ZNF248: variants seen among roughly 807,000 people sequenced by gnomAD.
ZNF248 encodes the protein zinc finger protein 248, also known as KRAB protein domain.
A neutral mutation model predicts 44.3 loss-of-function variants in ZNF248; 20 were observed. That is an observed-to-expected ratio of 0.45 (90% CI 0.32 to 0.66). The LOEUF (loss-of-function observed/expected upper bound fraction) is 0.66. Ranked by LOEUF, ZNF248 falls within the 30% of genes least tolerant of loss-of-function variation. The pLI is 0.04. For missense variants in ZNF248, 654 were observed against 677.0 expected (o/e 0.97, Z 0.38); for synonymous variants, 224 against 229.0 (o/e 0.98, Z 0.20).
chr10:37,820,246 G>GT, intron 6 of ZNF248: 1 of 1,351,054 alleles, frequency 7.4e-7, no homozygotes, highest in Non-Finnish European at 1.1e-6. Context: ...ATGGAGATCT[G>GT]TTTTTGGGAG....
chr10:37,821,227 C>T (rs1237606977), intron 6 of ZNF248, among the ~76,000 whole-genome samples: 1 of 151,930 alleles, frequency 6.6e-6, no homozygotes. Context: ...AATGACATAC[C>T]TATTGGTTGG....
intron 6 of ZNF248, among the ~76,000 whole-genome samples, chr10:37,790,583 G>A (rs911261010): frequency 2.6e-5 from 4 of 151,552 alleles, no homozygotes; most frequent in African/African-American, 4.9e-5. Context: ...AGTGGCGCAC[G>A]CCTGTAGTCT....
chr10:37,831,288 C>T lies in ZNF248; in HGVS notation c.*327G>A, dbSNP rs1288215397. 1.3e-6 allele frequency: 2 copies of T among 1,549,468 alleles called. No individual in the cohort carries two copies. Among genetic ancestry groups the T allele is most frequent in the Non-Finnish European group, 8.7e-7 (1 of 1,146,168 alleles). The stretch of plus-strand genomic sequence containing the variant: ...ATATATGTTTAATGCTGCTGTCATT[C>T]AACTTTTATAAGCTTCAGATTCCAC... On this transcript the variant is annotated 3_prime_UTR_variant, in exon 6 of 6. Coordinates refer to ENST00000395867, the MANE Select transcript of ZNF248 (RefSeq NM_021045.3).
chr10:37,835,181 TAGAC>T (rs1000658832), intron 5 of ZNF248, among the ~76,000 whole-genome samples: 3 of 152,096 alleles, frequency 2.0e-5, no homozygotes, highest in South Asian at 2.1e-4. Context: ...AACTAACAAT[TAGAC>T]TGAGTCAGGA....
chr10:37,785,962 A>T (rs756794264), intron 6 of ZNF248, among the ~76,000 whole-genome samples: 3 of 152,180 alleles, frequency 2.0e-5, no homozygotes, highest in Non-Finnish European at 4.4e-5. Flanking sequence ...AATGTCCATC[A>T]AAGAGCAGCT....
Position 37,832,431 on chromosome 10 carries a change from G to C in ZNF248, c.924C>G (p.Asp308Glu). The change falls in exon 6 of 6, where the codon GAC becomes GAG. Residue 308 changes from aspartate to glutamate, a missense_variant. Coordinates refer to ENST00000395867, the MANE Select transcript of ZNF248 (RefSeq NM_021045.3). Reference protein sequence around the residue: ...EYNEYGEIFCDNSAFIIHQGA... With the variant: ...EYNEYGEIFCENSAFIIHQGA... ...CCTGATGGATAATGAAAGCTGAATTGTCACAGAAGATTTCCCCATATTCAT... is the reference window on the plus strand; with the variant it reads ...CCTGATGGATAATGAAAGCTGAATTCTCACAGAAGATTTCCCCATATTCAT... 2 of 1,613,964 alleles carry C rather than the reference G, an allele frequency of 1.2e-6. No homozygotes were observed. Among genetic ancestry groups the C allele is most frequent in the Admixed American group, 1.7e-5 (1 of 59,970 alleles).
intron 3 of ZNF248, among the ~76,000 whole-genome samples, chr10:37,845,094 C>G (rs1431747810): frequency 2.6e-5 from 4 of 151,616 alleles, no homozygotes; most frequent in Non-Finnish European, 4.4e-5. Context: ...AGGCTCACTG[C>G]AACCTCTGCC....
intron 3 of ZNF248, among the ~76,000 whole-genome samples, chr10:37,841,946 G>A (rs1395133170): frequency 6.6e-6 from 1 of 152,176 alleles, no homozygotes; most frequent in Non-Finnish European, 1.5e-5. Context: ...TCACAGCTAA[G>A]AAGAGCCTAA....
At chr10:37,783,512 A>T (rs1190586244) in intron 6 of ZNF248, among the ~76,000 whole-genome samples, 2 of 152,250 alleles carry the variant, frequency 1.3e-5, no homozygotes, top group African/African-American at 4.8e-5. Context: ...CAAAAAATAA[A>T]TAAGATTTTG....
At chr10:37,827,557 A>G (rs2133790901), downstream of ZNF248, among the ~76,000 whole-genome samples, 1 of 152,334 alleles carries the variant, frequency 6.6e-6, no homozygotes, top group Admixed American at 6.5e-5. Context: ...AGATCTGAGA[A>G]GAGTGGTAGG....
chr10:37,826,433 G>A (rs2054401939), downstream of ZNF248, among the ~76,000 whole-genome samples: 1 of 152,142 alleles, frequency 6.6e-6, no homozygotes, highest in Non-Finnish European at 1.5e-5. Flanking sequence ...CTAACTCCAT[G>A]TTGTTTCATG....
At chr10:37,824,537 T>C (rs1421044565), downstream of ZNF248, among the ~76,000 whole-genome samples, 2 of 152,086 alleles carry the variant, frequency 1.3e-5, no homozygotes, top group Non-Finnish European at 2.9e-5. Flanking sequence ...CGTGTAAATG[T>C]TTACCTCACA....
intron 6 of ZNF248, among the ~76,000 whole-genome samples, chr10:37,801,083 TATC>T (rs2049758626): frequency 6.6e-6 from 1 of 151,604 alleles, no homozygotes; most frequent in Non-Finnish European, 1.5e-5. Context: ...TTTAAAAAAA[TATC>T]ATTATATTTG....
chr10:37,855,252 C>A (rs146064334), intron 3 of ZNF248, among the ~76,000 whole-genome samples: 2 of 152,038 alleles, frequency 1.3e-5, no homozygotes, highest in African/African-American at 2.4e-5. Context: ...ATTTATAGAA[C>A]CTCTTTCACT....
At chr10:37,800,284 A>C (rs2049654116) in intron 6 of ZNF248, among the ~76,000 whole-genome samples, 4 of 151,970 alleles carry the variant, frequency 2.6e-5, no homozygotes, top group Admixed American at 2.6e-4. Context: ...CTACCCTCAA[A>C]CAGTCCCCAG....
chr10:37,774,074 G>A (rs1263962669), downstream of ZNF248, among the ~76,000 whole-genome samples: 7 of 151,976 alleles, frequency 4.6e-5, no homozygotes, highest in Admixed American at 6.6e-5. Context: ...ACAGGGCTTA[G>A]GGCATGTTAT....
intron 6 of ZNF248, among the ~76,000 whole-genome samples, chr10:37,823,376 G>T (rs1348347929): frequency 1.5e-5 from 2 of 130,452 alleles, no homozygotes; most frequent in Middle Eastern, 4.3e-3. Flanking sequence ...AATAACAACA[G>T]GAACTAATCA....
downstream of ZNF248, among the ~76,000 whole-genome samples, chr10:37,826,702 G>A (rs1334615488): frequency 6.6e-6 from 1 of 152,176 alleles, no homozygotes; most frequent in Non-Finnish European, 1.5e-5. Context: ...TGGATGAGCT[G>A]ATACTACTAT....
At chr10:37,784,836 A>G (rs1179754505) in intron 6 of ZNF248, among the ~76,000 whole-genome samples, 1 of 152,162 alleles carries the variant, frequency 6.6e-6, no homozygotes, top group East Asian at 1.9e-4. Context: ...AGTGTTTGGT[A>G]GAGGTTGAGA....
Sources: gnomAD v4.1 joint callset for allele counts (sites outside exome capture counted in the v4.1 genomes callset) on GRCh38, gnomAD v4.1.1 for gene constraint, MANE v1.5 for transcripts, NCBI Gene and HGNC (gene_info 2026-07-23, HGNC 2026-07-21) for gene names.